The following SDHAF3 variants were observed in gnomAD, a reference collection of about 807,000 sequenced individuals.
SDHAF3 encodes succinate dehydrogenase complex assembly factor 3.
Under a neutral mutation model 11.5 loss-of-function variants are expected in SDHAF3, and 18 were observed. The observed-to-expected ratio is 1.56, with a 90% CI of 1.08 to 2.32. The LOEUF (loss-of-function observed/expected upper bound fraction) is 2.32, where lower values mean the gene tolerates loss of function less well. Among genes scored for constraint, SDHAF3 ranks in the 30% most tolerant of loss-of-function variants. The pLI, the probability that SDHAF3 is intolerant of heterozygous loss-of-function variation, is 0.00. For synonymous variants in SDHAF3, 72 were observed against 59.3 expected (o/e 1.21, Z -0.99); for missense variants, 200 against 154.4 (o/e 1.30, Z -1.57).
In SDHAF3 at chr7:97,117,779, T is replaced by G. The variant is rs1791426904; in HGVS notation, c.56T>G (p.Leu19Arg). ...GCATTGTACAAGCGCGTCTTGCAGCTGCACCGTGTTCTGCCCCCGGACCTC... is the reference window on the plus strand; with the variant it reads ...GCATTGTACAAGCGCGTCTTGCAGCGGCACCGTGTTCTGCCCCCGGACCTC... ...VRALYKRVLQ[L>R]HRVLPPDLKS... Residue 19 changes from leucine to arginine, a missense_variant, in exon 1 of 2, where the codon CTG (leucine) becomes CGG (arginine). Transcript: ENST00000432641. 1 of 1,614,110 alleles carries G rather than the reference T, an allele frequency of 6.2e-7. No homozygotes were observed. Among genetic ancestry groups the G allele is most frequent in the Non-Finnish European group, 8.5e-7 (1 of 1,180,038 alleles).
At chr7:97,143,609 C>T (rs1236393675) in intron 1 of SDHAF3, among the ~76,000 whole-genome samples, 2 of 151,866 alleles carry the variant, frequency 1.3e-5, no homozygotes, top group Non-Finnish European at 2.9e-5. Flanking sequence ...CCAGTCTCAT[C>T]CAGGTCACTG....
chr7:97,142,219 A>AATTTTTTGT (rs907204772), intron 1 of SDHAF3, among the ~76,000 whole-genome samples: 7 of 151,238 alleles, frequency 4.6e-5, no homozygotes, highest in Non-Finnish European at 4.4e-5. Flanking sequence ...ACGCCTAGCT[A>AATTTTTTGT]ATTTTTTGTA....
chr7:97,120,433 C>T (rs1319101059), intron 1 of SDHAF3, among the ~76,000 whole-genome samples: 1 of 151,972 alleles, frequency 6.6e-6, no homozygotes, highest in Non-Finnish European at 1.5e-5. Flanking sequence ...GGGAGAAAAA[C>T]CTGGCTAGAG....
chr7:97,143,500 A>G (rs886875698), intron 1 of SDHAF3, among the ~76,000 whole-genome samples: 3 of 152,234 alleles, frequency 2.0e-5, no homozygotes, highest in Non-Finnish European at 2.9e-5. Flanking sequence ...TATCATTCTT[A>G]TAGCCTTTGC....
intron 1 of SDHAF3, among the ~76,000 whole-genome samples, chr7:97,120,908 G>T (rs1715674145): frequency 6.6e-6 from 1 of 152,198 alleles, no homozygotes; most frequent in African/African-American, 2.4e-5. Flanking sequence ...ATAGTAGAGA[G>T]AATTCAGCTG....
At chr7:97,153,875 T>C (rs1255435526) in intron 1 of SDHAF3, among the ~76,000 whole-genome samples, 2 of 152,214 alleles carry the variant, frequency 1.3e-5, no homozygotes. Flanking sequence ...TTGGCTGTTT[T>C]AATTAAGGTG....
intron 1 of SDHAF3, among the ~76,000 whole-genome samples, chr7:97,125,304 T>C (rs1024958235): frequency 7.9e-5 from 12 of 152,350 alleles, no homozygotes; most frequent in African/African-American, 2.2e-4. Context: ...CCTAGTTCTT[T>C]TAATTGTGAC....
intron 1 of SDHAF3, among the ~76,000 whole-genome samples, chr7:97,150,478 C>T (rs1392290725): frequency 1.3e-5 from 2 of 151,844 alleles, no homozygotes; most frequent in Non-Finnish European, 2.9e-5. Flanking sequence ...CATTATTAAT[C>T]TCCTTGTATA....
chr7:97,143,665 CTGTGTGTGTG>C (rs3029495), intron 1 of SDHAF3, among the ~76,000 whole-genome samples: 25 of 148,046 alleles, frequency 1.7e-4, no homozygotes, highest in Admixed American at 8.7e-4. Flanking sequence ...TAGTGTTCCA[CTGTGTGTGTG>C]TGTGTGTGTG....
At chr7:97,156,379 T>C (rs376635554) in intron 1 of SDHAF3, among the ~76,000 whole-genome samples, 2 of 152,214 alleles carry the variant, frequency 1.3e-5, no homozygotes, top group Admixed American at 1.3e-4. Context: ...ATTATTGCCA[T>C]TGTTTTTACC....
At chr7:97,164,417 T>C (rs1471221053) in intron 1 of SDHAF3, among the ~76,000 whole-genome samples, 1 of 150,428 alleles carries the variant, frequency 6.6e-6, no homozygotes, top group Non-Finnish European at 1.5e-5. Context: ...AGTTTCACTC[T>C]TGTTGCCCAG....
At chr7:97,163,857 A>G (rs151231021) in intron 1 of SDHAF3, among the ~76,000 whole-genome samples, 177 of 152,236 alleles carry the variant, frequency 1.2e-3, no homozygotes, top group East Asian at 7.9e-3. Flanking sequence ...GGTGGTGACA[A>G]AATCTCTCAG....
At chr7:97,151,789 A>G (rs575130243) in intron 1 of SDHAF3, among the ~76,000 whole-genome samples, 19 of 151,946 alleles carry the variant, frequency 1.3e-4, no homozygotes, top group Non-Finnish European at 2.8e-4. Context: ...ATGAGCCACC[A>G]CGCTCGGCCA....
chr7:97,179,563 G>A (rs1286601615), intron 1 of SDHAF3, among the ~76,000 whole-genome samples: 1 of 151,642 alleles, frequency 6.6e-6, no homozygotes, highest in Non-Finnish European at 1.5e-5. Context: ...ATGGTAGGGT[G>A]ATTTTTGCCT....
At chr7:97,163,066 T>A (rs1452478948) in intron 1 of SDHAF3, among the ~76,000 whole-genome samples, 2 of 152,092 alleles carry the variant, frequency 1.3e-5, no homozygotes, top group Non-Finnish European at 2.9e-5. Flanking sequence ...TTTATGAATT[T>A]GGGTGCATAT....
At chr7:97,139,170 T>C (rs1788988456) in intron 1 of SDHAF3, among the ~76,000 whole-genome samples, 2 of 152,178 alleles carry the variant, frequency 1.3e-5, no homozygotes, top group South Asian at 4.1e-4. Flanking sequence ...TGAGTTCTTG[T>C]CCTGTGTCCA....
intron 1 of SDHAF3, among the ~76,000 whole-genome samples, chr7:97,166,339 C>G (rs958380759): frequency 6.6e-6 from 1 of 152,130 alleles, no homozygotes; most frequent in African/African-American, 2.4e-5. Flanking sequence ...TTGGTTCAGT[C>G]TGGAAAGCGG....
At chr7:97,130,414 C>T (rs1186520952) in intron 1 of SDHAF3, among the ~76,000 whole-genome samples, 1 of 152,172 alleles carries the variant, frequency 6.6e-6, no homozygotes, top group Non-Finnish European at 1.5e-5. Flanking sequence ...GGGCATGTTA[C>T]AGCTCTGGCT....
At position 97,167,606 on chromosome 7, in the gene SDHAF3, A is replaced by G. The variant is rs547407568; in HGVS notation, c.175-13406A>G. 6.6e-5 allele frequency among the ~76,000 whole-genome samples: 10 copies of G among 152,312 alleles called. No individual in the cohort carries two copies. The East Asian group carries it at 1.7e-3, about 27-fold the overall frequency. On this transcript the variant is annotated intron_variant, in intron 1 of 1. Coordinates refer to ENST00000432641, the MANE Select transcript of SDHAF3 (RefSeq NM_020186.3). ...CAGGAGATTAGTTTATTATTATTCA[A>G]ATCAATCTCTCCAAGCATTTGGGAT...
Sources: gnomAD v4.1 joint callset for allele counts (sites outside exome capture counted in the v4.1 genomes callset) on GRCh38, gnomAD v4.1.1 for gene constraint, MANE v1.5 for transcripts, NCBI Gene and HGNC (gene_info 2026-07-23, HGNC 2026-07-21) for gene names.